The following KANK4 variants were observed in gnomAD, a reference collection of about 807,000 sequenced individuals.
The protein encoded by KANK4 is KN motif and ankyrin repeat domains 4, also known as KN motif and ankyrin repeat domain-containing protein 4.
In KANK4, 50 loss-of-function variants were observed where a neutral mutation model predicts 80.8. The observed-to-expected ratio is 0.62, with a 90% CI of 0.49 to 0.78. KANK4 has a LOEUF of 0.78. KANK4 is among the 30% of genes least tolerant of loss of function. The probability of loss-of-function intolerance (pLI) is 0.00; values close to 1 mark genes in which losing one functional copy is unlikely to be tolerated. For missense variants in KANK4, 1,196 were observed against 1,240.1 expected, an observed-to-expected ratio of 0.96 and a Z score of 0.53; for synonymous variants, 465 against 506.9, an observed-to-expected ratio of 0.92 and a Z score of 1.11.
At chr1:62,295,511 C>T (rs976570571) in intron 1 of KANK4, among the ~76,000 whole-genome samples, 1 of 152,194 alleles carries the variant, frequency 6.6e-6, no homozygotes, top group Non-Finnish European at 1.5e-5. Flanking sequence ...ATCAAGGTTC[C>T]CCTTTTGTGC....
At chr1:62,318,764 C>T (rs926574212) in intron 1 of KANK4, among the ~76,000 whole-genome samples, 1 of 152,218 alleles carries the variant, frequency 6.6e-6, no homozygotes, top group Admixed American at 6.5e-5. Context: ...GACAGCACGG[C>T]CTCCCCCTCC....
At chr1:62,258,262 T>G (rs920301617) in intron 7 of KANK4, among the ~76,000 whole-genome samples, 13 of 152,358 alleles carry the variant, frequency 8.5e-5, no homozygotes, top group Non-Finnish European at 1.6e-4. Context: ...GTGTCTGGGA[T>G]GAGGATGACA....
intron 1 of KANK4, among the ~76,000 whole-genome samples, chr1:62,292,373 C>G (rs1672696287): frequency 6.6e-6 from 1 of 152,130 alleles, no homozygotes; most frequent in South Asian, 2.1e-4. Flanking sequence ...TCAATGAGAA[C>G]TGCACTCTAA....
At chr1:62,249,724 G>T (rs1407474751) in intron 8 of KANK4, among the ~76,000 whole-genome samples, 1 of 151,866 alleles carries the variant, frequency 6.6e-6, no homozygotes, top group East Asian at 1.9e-4. Context: ...TGTATGTTTA[G>T]TAGAGACGGG....
chr1:62,259,177 T>C (rs1671820866), intron 7 of KANK4, among the ~76,000 whole-genome samples: 1 of 152,188 alleles, frequency 6.6e-6, no homozygotes, highest in South Asian at 2.1e-4. Context: ...TTCAGACTTT[T>C]GATGTTCATT....
intron 9 of KANK4, among the ~76,000 whole-genome samples, chr1:62,242,361 C>CAAAAAAAAAAAAAA (rs57320794): frequency 4.5e-5 from 3 of 66,136 alleles, no homozygotes; most frequent in Non-Finnish European, 7.6e-5. Context: ...GACCATACCT[C>CAAAAAAAAAAAAAA]AAAAAAAAAA....
At chr1:62,318,870 G>T (rs11207958) in intron 1 of KANK4, among the ~76,000 whole-genome samples, 2 of 152,006 alleles carry the variant, frequency 1.3e-5, no homozygotes, top group Non-Finnish European at 2.9e-5. Flanking sequence ...GAGCAGCCCC[G>T]CTCCTTTTCT....
intron 1 of KANK4, among the ~76,000 whole-genome samples, chr1:62,300,802 A>G (rs912922970): frequency 5.9e-5 from 9 of 152,136 alleles, no homozygotes; most frequent in Admixed American, 5.2e-4. Flanking sequence ...CTGGACTATT[A>G]GTAGACATTC....
chr1:62,314,379 G>A (rs544665496), intron 1 of KANK4, among the ~76,000 whole-genome samples: 1 of 152,254 alleles, frequency 6.6e-6, no homozygotes, highest in South Asian at 2.1e-4. Context: ...AGAAGGGAGA[G>A]CGGGGTGGGA....
At chr1:62,286,387 C>T (rs2149157093) in intron 1 of KANK4, among the ~76,000 whole-genome samples, 1 of 152,356 alleles carries the variant, frequency 6.6e-6, no homozygotes, top group South Asian at 2.1e-4. Flanking sequence ...ATACTGACTT[C>T]CTTTTTGCTC....
At chr1:62,317,362 C>T (rs1019547355) in intron 1 of KANK4, among the ~76,000 whole-genome samples, 3 of 152,208 alleles carry the variant, frequency 2.0e-5, no homozygotes, top group African/African-American at 7.2e-5. Context: ...GCACCACGAG[C>T]AGGCATGGGC....
At chr1:62,253,893 G>A (rs1366705438) in intron 7 of KANK4, among the ~76,000 whole-genome samples, 1 of 152,226 alleles carries the variant, frequency 6.6e-6, no homozygotes, top group Non-Finnish European at 1.5e-5. Context: ...GTCCACTCAT[G>A]TGAAGGTGAA....
intron 7 of KANK4, among the ~76,000 whole-genome samples, chr1:62,256,861 G>C (rs1570976678): frequency 6.6e-6 from 1 of 152,264 alleles, no homozygotes; most frequent in Non-Finnish European, 1.5e-5. Context: ...TCACCTCATA[G>C]CTCTGTCCTG....
intron 1 of KANK4, among the ~76,000 whole-genome samples, chr1:62,282,934 A>G (rs1352421220): frequency 6.6e-6 from 1 of 152,240 alleles, no homozygotes; most frequent in Non-Finnish European, 1.5e-5. Context: ...GAGAAGTTAG[A>G]GACAAGGGAG....
At chr1:62,301,143 G>A (rs1039200004) in intron 1 of KANK4, among the ~76,000 whole-genome samples, 4 of 152,078 alleles carry the variant, frequency 2.6e-5, no homozygotes, top group Non-Finnish European at 5.9e-5. Context: ...TGGGAACACA[G>A]TAGGCTCCAG....
At chr1:62,264,568 C>G (rs1671973699) in intron 6 of KANK4, among the ~76,000 whole-genome samples, 1 of 152,138 alleles carries the variant, frequency 6.6e-6, no homozygotes, top group African/African-American at 2.4e-5. Flanking sequence ...AGAGTGAGGT[C>G]CTTACACACC....
chr1:62,278,799 C>T (rs1035267459), intron 2 of KANK4, among the ~76,000 whole-genome samples: 3 of 152,114 alleles, frequency 2.0e-5, no homozygotes, highest in Non-Finnish European at 2.9e-5. Flanking sequence ...TCTTGTATTT[C>T]TCTCCATTAG....
intron 8 of KANK4, among the ~76,000 whole-genome samples, chr1:62,250,469 C>T (rs1482088705): frequency 6.6e-6 from 1 of 152,194 alleles, no homozygotes; most frequent in African/African-American, 2.4e-5. Context: ...CAGAGAGAAG[C>T]AGCTTTTTCC....
chr1:62,257,879 C>A (rs904062004), intron 7 of KANK4, among the ~76,000 whole-genome samples: 1 of 152,186 alleles, frequency 6.6e-6, no homozygotes, highest in Non-Finnish European at 1.5e-5. Context: ...TTTATACCAC[C>A]CAAATTTTAG....
Sources: allele counts gnomAD v4.1 joint callset (sites outside exome capture counted in the v4.1 genomes callset), GRCh38; gene constraint gnomAD v4.1.1; transcripts MANE v1.5; gene names NCBI Gene and HGNC (gene_info 2026-07-23, HGNC 2026-07-21).